The following RPS6KA2 variants were observed in gnomAD, a reference collection of about 807,000 sequenced individuals.
RPS6KA2 encodes ribosomal protein S6 kinase A2.
Under a neutral mutation model 91.8 loss-of-function variants are expected in RPS6KA2, and 42 were observed. The observed-to-expected ratio is 0.46, with a 90% CI of 0.36 to 0.59. The LOEUF (loss-of-function observed/expected upper bound fraction) is 0.59, where lower values mean the gene tolerates loss of function less well. Ranked by LOEUF, RPS6KA2 falls within the 20% of genes least tolerant of loss-of-function variation. The pLI is 0.00. For synonymous variants in RPS6KA2, 414 were observed against 393.6 expected (o/e 1.05, Z -0.61); for missense variants, 798 against 978.5 (o/e 0.82, Z 2.46).
intron 2 of RPS6KA2, among the ~76,000 whole-genome samples, chr6:166,854,584 A>AT (rs1166161807): frequency 6.6e-6 from 1 of 152,154 alleles, no homozygotes; most frequent in African/African-American, 2.4e-5. Flanking sequence ...GACTTGAATG[A>AT]TTTTTTTCCT....
At chr6:166,831,535 G>C (rs992124987) in intron 2 of RPS6KA2, among the ~76,000 whole-genome samples, 2 of 151,658 alleles carry the variant, frequency 1.3e-5, no homozygotes, top group East Asian at 3.9e-4. Context: ...CTCTTCACAG[G>C]CTCCTTCTTC....
intron 2 of RPS6KA2, among the ~76,000 whole-genome samples, chr6:166,682,276 G>C (rs1788845715): frequency 6.6e-6 from 1 of 152,204 alleles, no homozygotes; most frequent in Admixed American, 6.5e-5. Flanking sequence ...GTTGTTTTTA[G>C]TCCTTTCAAT....
chr6:166,586,531 T>A, intron 1 of RPS6KA2: 1 of 1,530,026 alleles, frequency 6.5e-7, no homozygotes, highest in Non-Finnish European at 8.8e-7. Context: ...TTAGGTTGTT[T>A]AAATCCGCCA....
chr6:166,618,913 G>C (rs1200118594), intron 1 of RPS6KA2, among the ~76,000 whole-genome samples: 3 of 151,684 alleles, frequency 2.0e-5, no homozygotes, highest in Non-Finnish European at 4.4e-5. Flanking sequence ...AGACACACTG[G>C]ACGCTGCGCG....
At chr6:166,589,601 C>T (rs565291551) in intron 1 of RPS6KA2, among the ~76,000 whole-genome samples, 3 of 152,232 alleles carry the variant, frequency 2.0e-5, no homozygotes, top group South Asian at 2.1e-4. Context: ...CTCATTAAGT[C>T]GCAGAAAATA....
At chr6:166,862,546 C>G (rs75856066) in exon 1 of RPS6KA2, 16,942 of 294,060 alleles carry the variant, frequency 0.058, 678 homozygotes, top group African/African-American at 0.1. Flanking sequence ...CTTGCAGCTT[C>G]GAATTGAATT....
Position 166,435,426 on chromosome 6 carries a change from G to A in RPS6KA2, c.1333-2936C>T, listed in dbSNP as rs556646032. ...ATCTGATACACATTTAAGCATGCATGTTGACTTTCATTACATTTTCAACAT... is the reference window on the plus strand; with the variant it reads ...ATCTGATACACATTTAAGCATGCATATTGACTTTCATTACATTTTCAACAT... On this transcript the variant is annotated intron_variant, in intron 14 of 20. Transcript: ENST00000265678. This position sits in a 1 kb window ranked among gnomAD's most constrained non-coding sequence, Gnocchi z 4.3. 6.6e-6 allele frequency among the ~76,000 whole-genome samples: 1 copy of A among 152,354 alleles called. No individual in the cohort carries two copies. The highest frequency in any genetic ancestry group is 2.1e-4 in the South Asian group (1 of 4,830).
intron 19 of RPS6KA2, among the ~76,000 whole-genome samples, chr6:166,417,800 T>G (rs1377238121): frequency 6.6e-6 from 1 of 152,148 alleles, no homozygotes. Context: ...GTGTGGTGGC[T>G]CATACCTGTA....
chr6:166,679,770 G>C (rs941168860), intron 2 of RPS6KA2, among the ~76,000 whole-genome samples: 1 of 152,218 alleles, frequency 6.6e-6, no homozygotes, highest in Non-Finnish European at 1.5e-5. Flanking sequence ...GGAGCGGCGC[G>C]GGCGGGAGCT....
chr6:166,649,363 C>G (rs1787778946), intron 2 of RPS6KA2, among the ~76,000 whole-genome samples: 1 of 152,178 alleles, frequency 6.6e-6, no homozygotes, highest in Non-Finnish European at 1.5e-5. Flanking sequence ...CCTGTGAAAC[C>G]CTGAGCACTT....
At chr6:166,553,716 T>A (rs1784091675) in intron 1 of RPS6KA2, among the ~76,000 whole-genome samples, 1 of 152,140 alleles carries the variant, frequency 6.6e-6, no homozygotes, top group South Asian at 2.1e-4. Context: ...AGGATACCAT[T>A]GCTGAGCCAA....
At chr6:166,730,408 T>C (rs901104684) in intron 2 of RPS6KA2, among the ~76,000 whole-genome samples, 7 of 152,254 alleles carry the variant, frequency 4.6e-5, no homozygotes, top group African/African-American at 1.7e-4. Context: ...TTTGATGTTG[T>C]TAAATGTTTT....
chr6:166,474,213 A>G (rs1638901275), intron 10 of RPS6KA2, among the ~76,000 whole-genome samples: 1 of 152,322 alleles, frequency 6.6e-6, no homozygotes, highest in Admixed American at 6.5e-5. Flanking sequence ...CAGCAATGCC[A>G]GTAGAAACTG....
At chr6:166,465,307 T>C (rs1031050150) in intron 11 of RPS6KA2, 1 of 152,226 alleles carries the variant, frequency 6.6e-6, no homozygotes, top group African/African-American at 2.4e-5. Flanking sequence ...GGAGTAAAAT[T>C]ACCCCTTAAA....
intron 1 of RPS6KA2, among the ~76,000 whole-genome samples, chr6:166,569,237 G>A (rs892944012): frequency 2.0e-5 from 3 of 152,194 alleles, no homozygotes; most frequent in Non-Finnish European, 4.4e-5. Flanking sequence ...CCTTGAGACT[G>A]GCCCTGGTTT....
At chr6:166,590,784 A>G (rs1203453246) in intron 1 of RPS6KA2, among the ~76,000 whole-genome samples, 1 of 152,218 alleles carries the variant, frequency 6.6e-6, no homozygotes, top group African/African-American at 2.4e-5. Flanking sequence ...TCATTGAGGC[A>G]GTGAGTATAA....
At chr6:166,641,766 T>TAAAAAAAAAAAAAAAAAAAAAAAA (rs1787445454) in intron 2 of RPS6KA2, among the ~76,000 whole-genome samples, 1 of 61,520 alleles carries the variant, frequency 1.6e-5, no homozygotes, top group Non-Finnish European at 3.5e-5. Context: ...AAAAAAAAAT[T>TAAAAAAAAAAAAAAAAAAAAAAAA]CAATAGATCA....
At position 166,664,719 on chromosome 6, in the gene RPS6KA2, A is replaced by G. The variant is rs190895736; in HGVS notation, c.124-125935T>C. 7.2e-5 allele frequency among the ~76,000 whole-genome samples: 11 copies of G among 152,364 alleles called. No homozygotes were observed. In the East Asian group the frequency reaches 1.5e-3, roughly 21 times the overall value. On this transcript the variant is annotated intron_variant, in intron 2 of 21. Coordinates refer to the RPS6KA2 transcript ENST00000503859. Reference sequence around the variant, plus strand: ...TTAGTTACAAAATTCAGTTTTATACATTATATATTAAGAACCTACTGAGCA... The same window carrying G: ...TTAGTTACAAAATTCAGTTTTATACGTTATATATTAAGAACCTACTGAGCA...
chr6:166,596,693 A>G (rs946019158), intron 1 of RPS6KA2, among the ~76,000 whole-genome samples: 1 of 152,178 alleles, frequency 6.6e-6, no homozygotes, highest in African/African-American at 2.4e-5. Context: ...CAGATGGCCT[A>G]TAGTGGGACT....
Sources: allele counts gnomAD v4.1 joint callset (sites outside exome capture counted in the v4.1 genomes callset), GRCh38; gene constraint gnomAD v4.1.1; non-coding constraint Gnocchi (gnomAD v3.1); transcripts MANE v1.5; gene names NCBI Gene and HGNC (gene_info 2026-07-23, HGNC 2026-07-21).